Variants in AGBL1 observed in about 807,000 individuals in gnomAD.
AGBL1 encodes the protein AGBL carboxypeptidase 1.
In AGBL1, 130 loss-of-function variants were observed where a neutral mutation model predicts 118.9. That is an observed-to-expected ratio of 1.09 (90% CI 0.95 to 1.26). AGBL1 has a LOEUF of 1.26. Ranked by LOEUF, AGBL1 falls within the 50% of genes most tolerant of loss-of-function variation. The probability of loss-of-function intolerance (pLI) is 0.00; values close to 1 mark genes in which losing one functional copy is unlikely to be tolerated. For missense variants in AGBL1, 1,584 were observed against 1,298.1 expected, an observed-to-expected ratio of 1.22 and a Z score of -3.38; for synonymous variants, 555 against 478.9, an observed-to-expected ratio of 1.16 and a Z score of -2.08.
intron 22 of AGBL1, among the ~76,000 whole-genome samples, chr15:86,698,236 G>A (rs555642671): frequency 1.6e-4 from 24 of 152,106 alleles, no homozygotes; most frequent in Middle Eastern, 3.4e-3. Flanking sequence ...GGTCTCCTAG[G>A]ACATAGAGTG....
At chr15:86,518,165 A>G (rs968462709) in intron 18 of AGBL1, among the ~76,000 whole-genome samples, 3 of 152,020 alleles carry the variant, frequency 2.0e-5, no homozygotes, top group Non-Finnish European at 4.4e-5. Flanking sequence ...GCAGCCCTAT[A>G]GATTCATTTT....
intron 18 of AGBL1, among the ~76,000 whole-genome samples, chr15:86,518,720 C>T (rs1416419403): frequency 3.3e-5 from 5 of 151,904 alleles, no homozygotes; most frequent in African/African-American, 1.2e-4. Flanking sequence ...ATGAAATTCC[C>T]ACCTAAAAAC....
chr15:86,103,573 G>T (rs2141508495), intron 1 of AGBL1, among the ~76,000 whole-genome samples: 1 of 152,266 alleles, frequency 6.6e-6, no homozygotes, highest in African/African-American at 2.4e-5. Context: ...TTGCTTCTGG[G>T]TGTGTGCAGT....
chr15:86,805,063 A>G (rs1180899745), intron 22 of AGBL1, among the ~76,000 whole-genome samples: 1 of 152,158 alleles, frequency 6.6e-6, no homozygotes, highest in East Asian at 1.9e-4. Context: ...AAATAATTGC[A>G]AAGGACTCAA....
chr15:86,939,244 G>A lies in AGBL1; in HGVS notation c.3222-48743G>A, dbSNP rs563158093. On this transcript the variant is annotated intron_variant, in intron 23 of 24. Coordinates refer to the AGBL1 transcript ENST00000441037. ...CCCACTCTCAATCTGGATGGGCACC[G>A]TCTAATCAGCTGCCAGCTCAGCTAG... Among the ~76,000 whole-genome samples, 19 of 152,316 alleles carry A rather than the reference G, an allele frequency of 1.2e-4. No individual in the cohort carries two copies. In the East Asian group the frequency reaches 2.5e-3, roughly 20 times the overall value.
In AGBL1 at chr15:86,322,649, G is replaced by T. The variant is rs147682105; in HGVS notation, c.2374+27241G>T. Among the ~76,000 whole-genome samples, 280 of 152,122 alleles carry T rather than the reference G, an allele frequency of 1.8e-3. 4 individuals are homozygous for T. Among genetic ancestry groups the T allele is most frequent in the African/African-American group, 6.7e-3 (278 of 41,460 alleles). On this transcript the variant is annotated intron_variant, in intron 17 of 22. Coordinates refer to ENST00000614907, the MANE Select transcript of AGBL1 (RefSeq NM_001386094.1). ...CTATTTATTTGGAACTGCATCTGGG[G>T]GAACACTTTATAATGGGTTAAGTTA...
chr15:86,889,130 A>T lies in AGBL1; in HGVS notation c.3159-17957A>T, dbSNP rs188757235. On this transcript the variant is annotated intron_variant, in intron 22 of 22. Coordinates refer to ENST00000614907, the MANE Select transcript of AGBL1 (RefSeq NM_001386094.1). ...TCCGTTCACTGAAAAGTCATTCCTG[A>T]CCTTTCCCATGCCATAGTTTATCCT... is the stretch of plus-strand genomic sequence containing the variant. Among the ~76,000 whole-genome samples the T allele has an allele frequency of 2.6e-5, 4 of 152,034 alleles. No homozygotes were observed. The East Asian group carries it at 7.8e-4, about 30-fold the overall frequency.
chr15:86,829,291 G>A lies in AGBL1; in HGVS notation c.3159-77796G>A, dbSNP rs200103575. ...TTTAGAAGAAACATATGCCACATAT[G>A]AGAATACTGCTCCAACTTGGAAAAC... On this transcript the variant is annotated intron_variant, in intron 22 of 22. Coordinates refer to ENST00000614907, the MANE Select transcript of AGBL1 (RefSeq NM_001386094.1). Among the ~76,000 whole-genome samples, 28 of 152,240 alleles carry A rather than the reference G, an allele frequency of 1.8e-4. No individual in the cohort carries two copies. The East Asian group carries it at 4.6e-3, about 25-fold the overall frequency.
intron 17 of AGBL1, among the ~76,000 whole-genome samples, chr15:86,390,660 ATTTTT>A (rs756052402): frequency 6.0e-4 from 45 of 75,472 alleles, no homozygotes; most frequent in African/African-American, 1.6e-3. Flanking sequence ...ATACTGTATG[ATTTTT>A]TTTTTTTTTT....
intron 22 of AGBL1, among the ~76,000 whole-genome samples, chr15:86,740,164 C>G (rs2077657169): frequency 6.6e-6 from 1 of 152,196 alleles, no homozygotes; most frequent in Non-Finnish European, 1.5e-5. Context: ...GCTCAGTCTT[C>G]TATCAGGGAA....
At chr15:86,787,223 C>T (rs1028163365) in intron 22 of AGBL1, among the ~76,000 whole-genome samples, 4 of 152,010 alleles carry the variant, frequency 2.6e-5, no homozygotes, top group South Asian at 4.1e-4. Context: ...CATAACCTTC[C>T]ATAGTTACCC....
intron 22 of AGBL1, among the ~76,000 whole-genome samples, chr15:86,852,338 T>A (rs1030425091): frequency 6.6e-6 from 1 of 152,066 alleles, no homozygotes; most frequent in Non-Finnish European, 1.5e-5. Context: ...TCCAAACACC[T>A]CCCTCTCTCC....
intron 21 of AGBL1, among the ~76,000 whole-genome samples, chr15:86,608,991 G>T (rs967287031): frequency 4.6e-5 from 7 of 152,128 alleles, no homozygotes; most frequent in African/African-American, 1.7e-4. Context: ...GTGGCTATGT[G>T]GAATATGACA....
At chr15:86,742,974 C>A (rs980900021) in intron 22 of AGBL1, among the ~76,000 whole-genome samples, 1 of 152,006 alleles carries the variant, frequency 6.6e-6, no homozygotes, top group African/African-American at 2.4e-5. Flanking sequence ...GTAATAGTAT[C>A]ATATATAATT....
chr15:86,084,158 A>T (rs191376802), intron 1 of AGBL1, among the ~76,000 whole-genome samples: 1 of 152,240 alleles, frequency 6.6e-6, no homozygotes, highest in Non-Finnish European at 1.5e-5. Flanking sequence ...AAGAAATTAC[A>T]TCTGTCAGTG....
chr15:86,714,580 G>A (rs925715756), intron 22 of AGBL1, among the ~76,000 whole-genome samples: 3 of 151,996 alleles, frequency 2.0e-5, no homozygotes, highest in Non-Finnish European at 2.9e-5. Flanking sequence ...AGATTCAAAC[G>A]TCTAGAAAAA....
At chr15:86,641,466 A>C (rs1056121815) in intron 21 of AGBL1, among the ~76,000 whole-genome samples, 23 of 151,856 alleles carry the variant, frequency 1.5e-4, no homozygotes, top group African/African-American at 5.3e-4. Flanking sequence ...AGAACTCCCT[A>C]GTCACACAAT....
At chr15:86,159,412 A>T (rs1160260397) in intron 5 of AGBL1, among the ~76,000 whole-genome samples, 5 of 152,122 alleles carry the variant, frequency 3.3e-5, no homozygotes, top group Admixed American at 1.3e-4. Flanking sequence ...CAGCAAATCT[A>T]CCATAAATAA....
chr15:86,314,440 C>A (rs115691867), intron 17 of AGBL1, among the ~76,000 whole-genome samples: 3,268 of 152,258 alleles, frequency 0.021, 116 homozygotes, highest in African/African-American at 0.072. Context: ...CATGGCCAGC[C>A]TGGTTTTGGC....
Sources: gnomAD v4.1 joint callset for allele counts (sites outside exome capture counted in the v4.1 genomes callset) on GRCh38, gnomAD v4.1.1 for gene constraint, MANE v1.5 for transcripts, NCBI Gene and HGNC (gene_info 2026-07-23, HGNC 2026-07-21) for gene names.